The following ARHGEF4 variants were observed in gnomAD, a reference collection of about 807,000 sequenced individuals.
ARHGEF4 encodes Rho guanine nucleotide exchange factor 4.
A neutral mutation model predicts 162.0 loss-of-function variants in ARHGEF4; 119 were observed. The observed-to-expected ratio is 0.73, with a 90% CI of 0.63 to 0.86. The LOEUF is 0.86. ARHGEF4 is among the 40% of genes least tolerant of loss of function. ARHGEF4 has a pLI of 0.00. For missense variants in ARHGEF4, 2,488 were observed against 2,456.0 expected (o/e 1.01, Z -0.28); for synonymous variants, 1,014 against 979.9 (o/e 1.03, Z -0.65).
rs1221724927 is a variant in ARHGEF4 at position 130,916,409 on chromosome 2, T to G, written c.2463T>G (p.Gly821=). The change falls in exon 2 of 14, where the codon GGT becomes GGG. Residue 821 remains glycine (G), a synonymous_variant. Coordinates refer to ENST00000409359, the MANE Select transcript of ARHGEF4 (RefSeq NM_001367493.1). ...PGGVPAPTTE[G]RRWGSSGPEG... ...GGGTCCCGGCCCCGACCACCGAGGG[T>G]CGCCGCTGGGGCTCTTCAGGCCCCG... The G allele has an allele frequency of 1.3e-6, 2 of 1,527,018 alleles. No homozygotes were observed. Among genetic ancestry groups the G allele is most frequent in the Non-Finnish European group, 1.8e-6 (2 of 1,140,722 alleles). The allele number at this position is 1,527,018 out of a possible 1,614,324, so 94.6% of individuals were successfully genotyped here.
rs992700443 is a variant in ARHGEF4, at chr2:131,041,581, A to G, written c.4895+119A>G. ...GCCCTGGGGCAACACACAGAAAACTAGCCCTGTCCTGATGAGCTCCTTGCA... is the reference window on the plus strand; with the variant it reads ...GCCCTGGGGCAACACACAGAAAACTGGCCCTGTCCTGATGAGCTCCTTGCA... On this transcript the variant is annotated intron_variant, in intron 9 of 13. Transcript: ENST00000409359. 4.5e-5 allele frequency: 53 copies of G among 1,182,266 alleles called. No homozygotes were observed. The African/African-American group carries it at 5.4e-4, about 12-fold the overall frequency. The allele number at this position is 1,182,266 out of a possible 1,614,324, so 73.2% of individuals were successfully genotyped here. A position where few individuals can be genotyped will look rare whatever the true frequency, so the allele number is the denominator to read the frequency against.
Position 130,917,370 on chromosome 2 carries a change from C to G in ARHGEF4, c.3424C>G (p.Gln1142Glu). ...DPERPKIPKGQTSFLLSLQTL... is the reference protein window; with the variant it reads ...DPERPKIPKGETSFLLSLQTL... ...TGAAAGACCCAAGATTCCCAAGGGC[C>G]AGACCAGTTTCCTGCTTTCTCTGCA... The change falls in exon 2 of 14, where the codon CAG becomes GAG. Residue 1142 changes from glutamine to glutamate, a missense_variant. Around this residue, in one of 6 missense-constraint regions of ARHGEF4, gnomAD observed 1,642 missense variants for 1,481.5 expected, o/e 1.11. Coordinates refer to ENST00000409359, the MANE Select transcript of ARHGEF4 (RefSeq NM_001367493.1). 3 of 1,550,610 alleles carry G rather than the reference C, an allele frequency of 1.9e-6. No individual in the cohort carries two copies. The highest frequency in any genetic ancestry group is 1.7e-6 in the Non-Finnish European group (2 of 1,147,004).
chr2:130,950,673 A>G (rs1171868445), intron 4 of ARHGEF4, among the ~76,000 whole-genome samples: 1 of 149,860 alleles, frequency 6.7e-6, no homozygotes, highest in African/African-American at 2.4e-5. Context: ...GAAGCTCTGT[A>G]CCTTTAGCTA....
At chr2:131,001,696 G>T (rs1248718758) in intron 4 of ARHGEF4, among the ~76,000 whole-genome samples, 1 of 152,090 alleles carries the variant, frequency 6.6e-6, no homozygotes, top group Non-Finnish European at 1.5e-5. Context: ...GCTGTGTGCT[G>T]AGGCTTCGAG....
chr2:130,969,780 A>T (rs1228140045), intron 4 of ARHGEF4, among the ~76,000 whole-genome samples: 1 of 152,144 alleles, frequency 6.6e-6, no homozygotes, highest in African/African-American at 2.4e-5. Context: ...CCAGAACATG[A>T]GTGAGGCCCT....
intron 5 of ARHGEF4, 97 bp from the exon 6 acceptor site, chr2:131,038,756 C>A: frequency 7.3e-7 from 1 of 1,364,354 alleles, no homozygotes; most frequent in Non-Finnish European, 9.8e-7. Context: ...AAGTCAGGAT[C>A]CCCTCTTCCC....
chr2:130,949,580 T>C (rs1683827226), intron 4 of ARHGEF4, among the ~76,000 whole-genome samples: 1 of 152,174 alleles, frequency 6.6e-6, no homozygotes, highest in African/African-American at 2.4e-5. Context: ...GGTCTCGATC[T>C]CCTGACCTCG....
At chr2:130,964,271 C>A in intron 4 of ARHGEF4, 1 of 985,686 alleles carries the variant, frequency 1.0e-6, no homozygotes, top group Non-Finnish European at 1.2e-6. Context: ...GCCATCCCCG[C>A]GCCGCACGCG....
At chr2:130,919,749 G>A (rs1025725155) in intron 2 of ARHGEF4, among the ~76,000 whole-genome samples, 7 of 152,078 alleles carry the variant, frequency 4.6e-5, no homozygotes, top group African/African-American at 1.2e-4. Context: ...GGTGGTGGGC[G>A]CCTGTAATCC....
chr2:130,976,993 ACT>A (rs1431836115), intron 4 of ARHGEF4, among the ~76,000 whole-genome samples: 1 of 149,624 alleles, frequency 6.7e-6, no homozygotes, highest in Non-Finnish European at 1.5e-5. Flanking sequence ...AGTGTATATT[ACT>A]GTGTCTGGCA....
At position 131,040,284 on chromosome 2, in the gene ARHGEF4, G is replaced by A; in HGVS notation, c.4506G>A (p.Lys1502=). The change falls in exon 8 of 14, where the codon AAG becomes AAA. Residue 1502 remains lysine, a synonymous_variant. Transcript: ENST00000409359. ...ICEGYVRQCR[K]RADMFSEEQL... ...AGGGCTACGTCCGGCAGTGCCGCAAGCGCGCAGACATGTTCAGCGAGGAGC... is the reference window on the plus strand; with the variant it reads ...AGGGCTACGTCCGGCAGTGCCGCAAACGCGCAGACATGTTCAGCGAGGAGC... The A allele has an allele frequency of 6.2e-7, 1 of 1,613,014 alleles. No homozygotes were observed. Among genetic ancestry groups the A allele is most frequent in the Non-Finnish European group, 8.5e-7 (1 of 1,179,798 alleles).
chr2:130,981,260 GA>G (rs1440780626), intron 4 of ARHGEF4, among the ~76,000 whole-genome samples: 1 of 152,036 alleles, frequency 6.6e-6, no homozygotes, highest in Non-Finnish European at 1.5e-5. Flanking sequence ...AAATGCATAG[GA>G]AACAAAATAA....
At chr2:130,975,775 T>C (rs1316749738) in intron 4 of ARHGEF4, among the ~76,000 whole-genome samples, 2 of 152,212 alleles carry the variant, frequency 1.3e-5, no homozygotes, top group African/African-American at 4.8e-5. Context: ...TGGCACATTT[T>C]AAAACATGAA....
At chr2:131,020,643 A>C (rs550704845) in intron 4 of ARHGEF4, among the ~76,000 whole-genome samples, 14 of 152,280 alleles carry the variant, frequency 9.2e-5, no homozygotes, top group Non-Finnish European at 1.8e-4. Flanking sequence ...ATAGTGCTGC[A>C]ATAAACTTAC....
At chr2:130,876,605 G>A (rs1406807919) in intron 1 of ARHGEF4, among the ~76,000 whole-genome samples, 1 of 152,108 alleles carries the variant, frequency 6.6e-6, no homozygotes, top group East Asian at 1.9e-4. Context: ...TGTTAGCCAG[G>A]ATGGTCTCGA....
At chr2:130,951,769 T>C (rs1170409010) in intron 4 of ARHGEF4, among the ~76,000 whole-genome samples, 1 of 152,226 alleles carries the variant, frequency 6.6e-6, no homozygotes, top group Non-Finnish European at 1.5e-5. Context: ...TTCAGATTTA[T>C]ACTAGCTTAA....
At chr2:130,965,087 A>G (rs573568080) in intron 4 of ARHGEF4, among the ~76,000 whole-genome samples, 96 of 152,328 alleles carry the variant, frequency 6.3e-4, no homozygotes, top group African/African-American at 2.1e-3. Flanking sequence ...TGAGAGAGTT[A>G]TACACCCACT....
chr2:131,035,210 C>T (rs1343866416), intron 5 of ARHGEF4: 5 of 1,224,548 alleles, frequency 4.1e-6, no homozygotes, highest in Non-Finnish European at 5.1e-6. Flanking sequence ...GCCGTGCTGG[C>T]GCTCCTGGTT....
At chr2:131,008,148 T>C (rs989291910) in intron 4 of ARHGEF4, among the ~76,000 whole-genome samples, 2 of 152,162 alleles carry the variant, frequency 1.3e-5, no homozygotes. Context: ...ACATGGTGTT[T>C]CATTATATAA....
Sources: gnomAD v4.1 joint callset for allele counts (sites outside exome capture counted in the v4.1 genomes callset) on GRCh38, gnomAD v4.1.1 for gene constraint, gnomAD v4.1.1 regional missense constraint, MANE v1.5 for transcripts, NCBI Gene and HGNC (gene_info 2026-07-23, HGNC 2026-07-21) for gene names.